The following LRP1B variants were observed in gnomAD, a reference collection of about 807,000 sequenced individuals.
The protein encoded by LRP1B is LDL receptor related protein 1B.
In LRP1B, 217 loss-of-function variants were observed where a neutral mutation model predicts 556.6. The ratio of observed to expected loss-of-function variants is 0.39; its 90% confidence interval spans 0.35 to 0.44. The LOEUF is 0.44. Ranked by LOEUF, LRP1B falls within the 20% of genes least tolerant of loss-of-function variation. LRP1B has a pLI of 1.00. For synonymous variants in LRP1B, 2,047 were observed against 1,865.8 expected (o/e 1.10, Z -2.50); for missense variants, 5,053 against 5,620.8 (o/e 0.90, Z 3.23).
At chr2:141,488,608 G>T (rs77223619) in intron 2 of LRP1B, among the ~76,000 whole-genome samples, 4,549 of 151,968 alleles carry the variant, frequency 0.03, 133 homozygotes, top group South Asian at 0.12. Context: ...ACAGGCTTGT[G>T]TCACCAAACC....
intron 84 of LRP1B, among the ~76,000 whole-genome samples, chr2:140,286,772 A>G (rs1683168251): frequency 6.6e-6 from 1 of 151,794 alleles, no homozygotes; most frequent in South Asian, 2.1e-4. Context: ...TATATACCTA[A>G]ATATATATAA....
chr2:141,380,320 G>A (rs1451550063), intron 3 of LRP1B, among the ~76,000 whole-genome samples: 4 of 152,106 alleles, frequency 2.6e-5, no homozygotes, highest in Admixed American at 2.6e-4. Flanking sequence ...CCAAGAGTCT[G>A]GCTTCTAACT....
intron 3 of LRP1B, among the ~76,000 whole-genome samples, chr2:141,408,140 A>ATT (rs1553510056): frequency 7.0e-5 from 3 of 42,986 alleles, no homozygotes; most frequent in Non-Finnish European, 1.5e-4. Flanking sequence ...AATTTGGTTC[A>ATT]ATTTTTTTTT....
chr2:140,426,924 GA>G (rs1164402413), intron 66 of LRP1B, among the ~76,000 whole-genome samples: 2 of 152,112 alleles, frequency 1.3e-5, no homozygotes, highest in Non-Finnish European at 2.9e-5. Context: ...ACCAGCCCAA[GA>G]AACATCTCAC....
intron 35 of LRP1B, among the ~76,000 whole-genome samples, chr2:140,744,950 T>A (rs1379910808): frequency 6.6e-6 from 1 of 152,182 alleles, no homozygotes; most frequent in African/African-American, 2.4e-5. Context: ...CCAATGAAAC[T>A]GGCTACTGGT....
chr2:140,702,352 A>G (rs2105429497), intron 38 of LRP1B, 60 bp from the exon 39 acceptor site: 16 of 1,605,920 alleles, frequency 1.0e-5, no homozygotes, highest in Non-Finnish European at 1.4e-5. Flanking sequence ...TTAAGAAAAT[A>G]AAGGAACACT....
intron 12 of LRP1B, among the ~76,000 whole-genome samples, chr2:141,018,428 T>C (rs896649670): frequency 6.6e-6 from 1 of 152,144 alleles, no homozygotes; most frequent in Non-Finnish European, 1.5e-5. Context: ...TAATCAGAAT[T>C]GCCTTCAAAG....
chr2:140,519,927 C>A (rs1258202700), intron 49 of LRP1B, among the ~76,000 whole-genome samples: 1 of 152,112 alleles, frequency 6.6e-6, no homozygotes, highest in Non-Finnish European at 1.5e-5. Flanking sequence ...CCATCTCACA[C>A]CAGTTAGAAT....
At chr2:141,050,555 T>C (rs1185816927) in intron 10 of LRP1B, among the ~76,000 whole-genome samples, 1 of 152,048 alleles carries the variant, frequency 6.6e-6, no homozygotes, top group African/African-American at 2.4e-5. Flanking sequence ...TGTCCATGTG[T>C]TCACATTGTT....
intron 21 of LRP1B, among the ~76,000 whole-genome samples, chr2:140,914,938 T>C (rs1290143727): frequency 6.6e-6 from 1 of 152,172 alleles, no homozygotes; most frequent in Non-Finnish European, 1.5e-5. Flanking sequence ...GTTATTACTA[T>C]CATATCTATT....
At chr2:140,692,285 T>C (rs1686273321) in intron 41 of LRP1B, among the ~76,000 whole-genome samples, 2 of 152,166 alleles carry the variant, frequency 1.3e-5, no homozygotes, top group Admixed American at 1.3e-4. Context: ...TATTATTTGT[T>C]TTAATCAAAT....
At chr2:140,400,174 C>G (rs1293019137) in intron 66 of LRP1B, among the ~76,000 whole-genome samples, 2 of 152,184 alleles carry the variant, frequency 1.3e-5, no homozygotes, top group African/African-American at 2.4e-5. Flanking sequence ...TCTGTCCACA[C>G]TAAGCAAATG....
intron 35 of LRP1B, among the ~76,000 whole-genome samples, chr2:140,749,220 G>A (rs998967791): frequency 1.3e-5 from 2 of 152,066 alleles, no homozygotes; most frequent in Admixed American, 1.3e-4. Flanking sequence ...TGAGTGTTGA[G>A]TAAATGTGAA....
At position 141,049,184 on chromosome 2, in the gene LRP1B, G is replaced by A. The variant is rs371410109; in HGVS notation, c.1591C>T (p.Arg531Cys). The change falls in exon 11 of 91, where the codon CGC (arginine) becomes TGC (cysteine). Residue 531 changes from arginine to cysteine, a missense_variant. By Grantham distance (180) the Arg-to-Cys change is radical. This residue lies in a region of LRP1B where 3,619 missense variants were observed against 3,931.9 expected (regional missense o/e 0.92). Transcript: ENST00000389484. ...TCCATTCCTCTAACAATTCCTGGGC[G>A]TCCTTTCCCATAAAAGAGGAACAAC... is the stretch of plus-strand genomic sequence containing the variant. ...NELFLFYGKG[R>C]PGIVRGMDLN... 1.4e-5 allele frequency: 22 copies of A among 1,613,312 alleles called. No individual in the cohort carries two copies. Among genetic ancestry groups the A allele is most frequent in the Non-Finnish European group, 1.8e-5 (21 of 1,179,560 alleles).
rs546014755 is a variant in LRP1B at position 141,800,051 on chromosome 2, G to A, written c.205+10228C>T. On this transcript the variant is annotated intron_variant, in intron 2 of 90. Coordinates refer to ENST00000389484, the MANE Select transcript of LRP1B (RefSeq NM_018557.3). ...CCAATTATTACTACATCTCTCTTTC[G>A]TCTTTGGCATATTTATCTTATTATT... Among the ~76,000 whole-genome samples, 6 of 151,976 alleles carry A rather than the reference G, an allele frequency of 3.9e-5. No homozygotes were observed. The South Asian group carries it at 6.2e-4, about 16-fold the overall frequency.
At chr2:140,867,941 T>G in intron 26 of LRP1B, 107 bp from the exon 27 acceptor site, 1 of 1,326,088 alleles carries the variant, frequency 7.5e-7, no homozygotes, top group Non-Finnish European at 1.0e-6. Context: ...TTATAAATAT[T>G]TTTATGGGTC....
chr2:141,148,343 G>C (rs928092297), intron 7 of LRP1B, among the ~76,000 whole-genome samples: 8 of 152,146 alleles, frequency 5.3e-5, no homozygotes, highest in African/African-American at 1.9e-4. Flanking sequence ...ATCCAAAGTA[G>C]CTGTGTAGAT....
chr2:141,827,635 T>C (rs961786287), intron 1 of LRP1B, among the ~76,000 whole-genome samples: 2 of 152,184 alleles, frequency 1.3e-5, no homozygotes, highest in Non-Finnish European at 1.5e-5. Context: ...TCAACTTTGA[T>C]GGGAAATGAG....
chr2:141,003,266 A>C (rs2105371082), intron 15 of LRP1B, among the ~76,000 whole-genome samples: 1 of 152,236 alleles, frequency 6.6e-6, no homozygotes, highest in South Asian at 2.1e-4. Flanking sequence ...GTTACATGAT[A>C]AGATGCTTAT....
Sources: allele counts gnomAD v4.1 joint callset (sites outside exome capture counted in the v4.1 genomes callset), GRCh38; gene constraint gnomAD v4.1.1; regional missense constraint gnomAD v4.1.1; transcripts MANE v1.5; gene names NCBI Gene and HGNC (gene_info 2026-07-23, HGNC 2026-07-21).